The following PC variants were observed in gnomAD, a reference collection of about 807,000 sequenced individuals.
PC encodes the protein pyruvate carboxylase, mitochondrial.
Under a neutral mutation model 107.8 loss-of-function variants are expected in PC, and 46 were observed. That is an observed-to-expected ratio of 0.43 (90% CI 0.34 to 0.55). The LOEUF is 0.55. PC is among the 20% of genes least tolerant of loss of function. PC has a pLI of 0.04. For missense variants in PC, 1,241 were observed against 1,643.1 expected, an observed-to-expected ratio of 0.76 and a Z score of 4.23; for synonymous variants, 662 against 684.7, an observed-to-expected ratio of 0.97 and a Z score of 0.52.
chr11:66,937,614 C>T (rs1426265868), intron 3 of PC, among the ~76,000 whole-genome samples: 2 of 152,018 alleles, frequency 1.3e-5, no homozygotes, highest in Non-Finnish European at 2.9e-5. Flanking sequence ...GTCTCTGAGG[C>T]TGTTAATTTT....
At chr11:66,922,392 T>C (rs1357349636) in intron 3 of PC, among the ~76,000 whole-genome samples, 1 of 151,732 alleles carries the variant, frequency 6.6e-6, no homozygotes, top group Non-Finnish European at 1.5e-5. Flanking sequence ...TTGGCCAACA[T>C]GGTGAAACCC....
At chr11:66,861,234 C>T (rs1033409334) in intron 12 of PC, among the ~76,000 whole-genome samples, 2 of 152,208 alleles carry the variant, frequency 1.3e-5, no homozygotes, top group African/African-American at 4.8e-5. Flanking sequence ...CTGGCCCAGC[C>T]CCTGCAGCCT....
rs929757327 is a variant in PC at position 66,871,884 on chromosome 11, G to A, written c.137-13C>T. The A allele has an allele frequency of 4.4e-6, 7 of 1,605,864 alleles. No individual in the cohort carries two copies. The African/African-American group carries it at 9.3e-5, about 21-fold the overall frequency. On this transcript the variant is annotated splice_polypyrimidine_tract_variant and intron_variant, in intron 4 of 22. Coordinates refer to ENST00000393960, the MANE Select transcript of PC (RefSeq NM_001040716.2). The surrounding 1 kb of genome is among the most constrained non-coding windows in gnomAD (Gnocchi z 7.4). ...ATGGCAATCTCACCTAGAGGGCAAA[G>A]AAACAAGAAGTTAGATTCCTAGGTC... is the stretch of plus-strand genomic sequence containing the variant.
At chr11:66,883,047 G>A (rs549165195) in intron 3 of PC, among the ~76,000 whole-genome samples, 13 of 152,336 alleles carry the variant, frequency 8.5e-5, no homozygotes, top group East Asian at 7.7e-4. Flanking sequence ...AGCTGTCCGG[G>A]CTCTGGGCCC....
rs115591427 is a variant in PC at position 66,932,394 on chromosome 11, C to T, written c.-1+20036G>A. Among the ~76,000 whole-genome samples the T allele has an allele frequency of 2.2e-3, 342 of 152,258 alleles. 2 individuals are homozygous for T. The highest frequency in any genetic ancestry group is 7.8e-3 in the African/African-American group (325 of 41,542). ...AGACCTGTTTTCAGCATGGAAGGCACTCTACCATCTCAAATGATTTCAATG... is the reference window on the plus strand; with the variant it reads ...AGACCTGTTTTCAGCATGGAAGGCATTCTACCATCTCAAATGATTTCAATG... On this transcript the variant is annotated intron_variant, in intron 3 of 22. Coordinates refer to ENST00000393960, the MANE Select transcript of PC (RefSeq NM_001040716.2).
intron 3 of PC, among the ~76,000 whole-genome samples, chr11:66,940,700 T>C (rs904898922): frequency 4.8e-5 from 7 of 145,248 alleles, no homozygotes; most frequent in African/African-American, 1.8e-4. Flanking sequence ...AATAAATAAA[T>C]AAATAAATAA....
At chr11:66,893,658 C>T (rs1323606882) in intron 3 of PC, among the ~76,000 whole-genome samples, 1 of 152,146 alleles carries the variant, frequency 6.6e-6, no homozygotes, top group Non-Finnish European at 1.5e-5. Context: ...TTCTTTACCC[C>T]TGCTCTCAAC....
At chr11:66,879,622 T>C (rs1947113393) in intron 3 of PC, among the ~76,000 whole-genome samples, 3 of 152,172 alleles carry the variant, frequency 2.0e-5, no homozygotes, top group Admixed American at 2.0e-4. Context: ...GGGGCAGCAG[T>C]GAGCCTAGAG....
intron 3 of PC, among the ~76,000 whole-genome samples, chr11:66,941,451 T>C (rs1039039603): frequency 2.6e-5 from 4 of 152,336 alleles, no homozygotes; most frequent in East Asian, 1.9e-4. Context: ...TCCACAGATA[T>C]ATGAATGGAT....
At chr11:66,914,093 C>T (rs1251759098) in intron 3 of PC, among the ~76,000 whole-genome samples, 3 of 152,158 alleles carry the variant, frequency 2.0e-5, no homozygotes, top group Non-Finnish European at 2.9e-5. Context: ...CCAAACACTT[C>T]GGTAAGTCAG....
intron 3 of PC, among the ~76,000 whole-genome samples, chr11:66,874,247 A>G (rs2135956407): frequency 6.6e-6 from 1 of 152,254 alleles, no homozygotes; most frequent in Non-Finnish European, 1.5e-5. Context: ...GGTGTGAACC[A>G]CCACGCCTGG....
chr11:66,859,705 G>A, intron 12 of PC: 2 of 1,612,394 alleles, frequency 1.2e-6, no homozygotes, highest in Non-Finnish European at 1.7e-6. Context: ...TATGACCTCT[G>A]CCTGCTGGCC....
At chr11:66,952,603 G>C (rs375898171) in intron 2 of PC, 135 bp from the exon 3 acceptor site, 2 of 152,290 alleles carry the variant, frequency 1.3e-5, no homozygotes, top group East Asian at 3.9e-4. Context: ...GTGCAATGGC[G>C]CAATCCCGGC....
At chr11:66,951,363 G>T (rs1315781740) in intron 3 of PC, among the ~76,000 whole-genome samples, 1 of 152,154 alleles carries the variant, frequency 6.6e-6, no homozygotes, top group East Asian at 1.9e-4. Context: ...GACTGGACTA[G>T]CAGGGGACCG....
intron 3 of PC, among the ~76,000 whole-genome samples, chr11:66,896,804 G>A (rs906024577): frequency 4.6e-5 from 7 of 152,206 alleles, no homozygotes; most frequent in African/African-American, 1.4e-4. Context: ...AGAAGCGTCC[G>A]CCTATATATA....
Position 66,850,385 on chromosome 11 carries a change from C to T in PC, c.2553G>A (p.Thr851=), listed in dbSNP as rs369622449. 5.3e-5 allele frequency: 85 copies of T among 1,613,934 alleles called. No homozygotes were observed. The highest frequency in any genetic ancestry group is 6.6e-5 in the Non-Finnish European group (78 of 1,180,022). Residue 851 remains threonine (T), a synonymous_variant, in exon 19 of 23, where the codon ACG becomes ACA. Transcript: ENST00000393960. The stretch of plus-strand genomic sequence containing the variant: ...CCGAGTTGCCAGACTTCATGGTGGC[C>T]GTGCAGTCGAAGGCCGCGTACAGTC... ...ARGLYAAFDC[T]ATMKSGNSDV...
At chr11:66,902,526 C>T (rs1157559494) in intron 3 of PC, among the ~76,000 whole-genome samples, 1 of 152,146 alleles carries the variant, frequency 6.6e-6, no homozygotes, top group Non-Finnish European at 1.5e-5. Context: ...CCTGTCTGCC[C>T]GTCATGCCGA....
At chr11:66,910,530 G>A (rs1002789228) in intron 3 of PC, among the ~76,000 whole-genome samples, 6 of 152,148 alleles carry the variant, frequency 3.9e-5, no homozygotes, top group African/African-American at 4.8e-5. Context: ...AAAGATACTA[G>A]GTGCTATAGG....
Position 66,848,741 on chromosome 11 carries a change from A to G in PC, c.*158T>C, listed in dbSNP as rs1945292926. The G allele has an allele frequency of 1.2e-6, 1 of 835,058 alleles. No individual in the cohort carries two copies. The allele number at this position is 835,058 out of a possible 1,614,324, so 51.7% of individuals were successfully genotyped here. On this transcript the variant is annotated 3_prime_UTR_variant, in exon 23 of 23. Coordinates refer to ENST00000393960, the MANE Select transcript of PC (RefSeq NM_001040716.2). ...GAGGAAAGGACGATGGCTGAAAGGA[A>G]TGAACCACCGCAGGCGGTGTCTCTC... is the stretch of plus-strand genomic sequence containing the variant.
Sources: gnomAD v4.1 joint callset for allele counts (sites outside exome capture counted in the v4.1 genomes callset) on GRCh38, gnomAD v4.1.1 for gene constraint, Gnocchi (gnomAD v3.1) non-coding constraint, MANE v1.5 for transcripts, NCBI Gene and HGNC (gene_info 2026-07-23, HGNC 2026-07-21) for gene names.